Variants in IREB2 observed in about 807,000 individuals in gnomAD.
IREB2 encodes iron responsive element binding protein 2.
Under a neutral mutation model 118.8 loss-of-function variants are expected in IREB2, and 39 were observed. The observed-to-expected ratio is 0.33, with a 90% CI of 0.25 to 0.43. The LOEUF is 0.43. Ranked by LOEUF, IREB2 falls within the 20% of genes least tolerant of loss-of-function variation. The pLI, the probability that IREB2 is intolerant of heterozygous loss-of-function variation, is 1.00. For missense variants in IREB2, 900 were observed against 1,147.3 expected (o/e 0.78, Z 3.11); for synonymous variants, 372 against 392.2 (o/e 0.95, Z 0.61).
Position 78,487,723 on chromosome 15 carries a change from TGAAATGCAGA to T in IREB2, c.1710-9_1710del. 1 of 1,530,528 alleles carries T rather than the reference TGAAATGCAGA, an allele frequency of 6.5e-7. No individual in the cohort carries two copies. The highest frequency in any genetic ancestry group is 9.0e-7 in the Non-Finnish European group (1 of 1,105,924). The allele number at this position is 1,530,528 out of a possible 1,614,324, so 94.8% of individuals were successfully genotyped here. ...ATGTGCTATTCAGTCACTTTTTTTT[TGAAATGCAGA>T]TTTGAAATCGTTGGCTATGGATGTT... On this transcript the variant is annotated splice_acceptor_variant and splice_polypyrimidine_tract_variant and coding_sequence_variant and intron_variant, in exon 14 of 22. Coordinates refer to ENST00000258886, the MANE Select transcript of IREB2 (RefSeq NM_004136.4). LOFTEE classifies it high-confidence loss of function.
At chr15:78,489,754 G>A (rs2051718522) in intron 16 of IREB2, among the ~76,000 whole-genome samples, 1 of 152,110 alleles carries the variant, frequency 6.6e-6, no homozygotes, top group South Asian at 2.1e-4. Flanking sequence ...CAAGTGATCC[G>A]CCCACCTCAG....
intron 2 of IREB2, among the ~76,000 whole-genome samples, chr15:78,451,344 A>G (rs987634151): frequency 2.0e-5 from 3 of 151,666 alleles, no homozygotes; most frequent in Admixed American, 6.6e-5. Flanking sequence ...CAAGTGAAAA[A>G]CTGTTCTTTA....
At chr15:78,447,744 C>G (rs1454361856) in intron 2 of IREB2, among the ~76,000 whole-genome samples, 1 of 152,190 alleles carries the variant, frequency 6.6e-6, no homozygotes, top group East Asian at 1.9e-4. Flanking sequence ...GCCACCATGC[C>G]CGGCCCATTA....
At position 78,487,833 on chromosome 15, in the gene IREB2, T is replaced by C. The variant is rs775419292; in HGVS notation, c.1794+16T>C. 1 of 1,411,140 alleles carries C rather than the reference T, an allele frequency of 7.1e-7. No individual in the cohort carries two copies. The highest frequency in any genetic ancestry group is 1.0e-6 in the Non-Finnish European group (1 of 998,674). 87.4% of individuals were successfully genotyped at this position (1,411,140 alleles called of 1,614,324 possible). A position where few individuals can be genotyped will look rare whatever the true frequency, so the allele number is the denominator to read the frequency against. On this transcript the variant is annotated intron_variant, in intron 14 of 21. Coordinates refer to ENST00000258886, the MANE Select transcript of IREB2 (RefSeq NM_004136.4). ...AGTAAAACAGGTAAAATGTGTGGAT[T>C]GGCAAGACATCTAAATGATTTTCTT...
At chr15:78,440,088 A>T (rs988773906) in intron 2 of IREB2, among the ~76,000 whole-genome samples, 2 of 152,250 alleles carry the variant, frequency 1.3e-5, no homozygotes, top group African/African-American at 4.8e-5. Flanking sequence ...TCATTTAAAA[A>T]TCTAAGTTAA....
Position 78,487,796 on chromosome 15 carries a change from A to C in IREB2, c.1773A>C (p.Ala591=). The C allele has an allele frequency of 6.2e-7, 1 of 1,602,298 alleles. No individual in the cohort carries two copies. Among genetic ancestry groups the C allele is most frequent in the South Asian group, 1.1e-5 (1 of 90,694 alleles). The stretch of plus-strand genomic sequence containing the variant: ...GAAATACAGCACCCTTATCAGACGC[A>C]GTTTTAAATGCAGTAAAACAGGTAA... ...CVGNTAPLSD[A]VLNAVKQGDL... The change falls in exon 14 of 22, where the codon GCA becomes GCC. Residue 591 remains alanine (A), a synonymous_variant. Transcript: ENST00000258886.
Position 78,464,242 on chromosome 15 carries a change from T to C in IREB2, c.273-1009T>C, listed in dbSNP as rs183870784. On this transcript the variant is annotated intron_variant, in intron 3 of 21. Coordinates refer to ENST00000258886, the MANE Select transcript of IREB2 (RefSeq NM_004136.4). ...GTCGTATTATCCCTCCATATACCAG[T>C]TGGCTTCCATCACACTTAAAATCCA... Among the ~76,000 whole-genome samples the C allele has an allele frequency of 2.0e-5, 3 of 152,332 alleles. No individual in the cohort carries two copies. In the East Asian group the frequency reaches 5.8e-4, roughly 29 times the overall value.
chr15:78,442,966 C>G (rs983828743), intron 2 of IREB2, among the ~76,000 whole-genome samples: 11 of 152,110 alleles, frequency 7.2e-5, no homozygotes, highest in South Asian at 2.1e-4. Context: ...GTATCAGTGG[C>G]CACTCTTAGC....
At position 78,463,001 on chromosome 15, in the gene IREB2, T is replaced by C; in HGVS notation, c.186T>C (p.Asp62=). 6.2e-7 allele frequency: 1 copy of C among 1,613,760 alleles called. No homozygotes were observed. Among genetic ancestry groups the C allele is most frequent in the African/African-American group, 1.3e-5 (1 of 75,054 alleles). Residue 62 remains aspartate (D), a synonymous_variant, in exon 3 of 22, where the codon GAT becomes GAC. Transcript: ENST00000258886. Reference sequence around the variant, plus strand: ...ATGGCTTTTTAATGAAGAAGGAAGATGTTATGAACATTTTAGACTGGAAAA... The same window carrying C: ...ATGGCTTTTTAATGAAGAAGGAAGACGTTATGAACATTTTAGACTGGAAAA... ...NCDGFLMKKE[D]VMNILDWKTK...
At chr15:78,468,211 A>G (rs2051317275) in intron 5 of IREB2, among the ~76,000 whole-genome samples, 2 of 152,204 alleles carry the variant, frequency 1.3e-5, no homozygotes, top group South Asian at 4.1e-4. Flanking sequence ...TAAATAATTC[A>G]TGTAAAATAT....
intron 4 of IREB2, 61 bp from the exon 5 acceptor site, chr15:78,466,210 T>A: frequency 8.8e-7 from 1 of 1,140,614 alleles, no homozygotes; most frequent in South Asian, 1.4e-5. Flanking sequence ...CGTTTTTTTT[T>A]AAGAGCTAAA....
At position 78,485,757 on chromosome 15, in the gene IREB2, A is replaced by T. The variant is rs2051649071; in HGVS notation, c.1626A>T (p.Ile542=). The T allele has an allele frequency of 6.2e-7, 1 of 1,613,980 alleles. No homozygotes were observed. Among genetic ancestry groups the T allele is most frequent in the Non-Finnish European group, 8.5e-7 (1 of 1,179,864 alleles). Residue 542 remains isoleucine (I), a synonymous_variant, in exon 13 of 22, where the codon ATA becomes ATT. Coordinates refer to ENST00000258886, the MANE Select transcript of IREB2 (RefSeq NM_004136.4). ...VEAGLRVKPY[I]RTSLSPGSGM... The stretch of plus-strand genomic sequence containing the variant: ...CTGGTCTGCGTGTTAAACCTTATAT[A>T]AGAACAAGTTTATCTCCAGGCAGTG...
At position 78,438,305 on chromosome 15, in the gene IREB2, C is replaced by T. The variant is rs896259926; in HGVS notation, c.-33C>T. 15 of 1,572,196 alleles carry T rather than the reference C, an allele frequency of 9.5e-6. No individual in the cohort carries two copies. Among genetic ancestry groups the T allele is most frequent in the Non-Finnish European group, 1.1e-5 (13 of 1,157,082 alleles). ...GCCTCCCCCTTCTTCCCCCGCTGGC[C>T]CCCTCCCCGGAGGGATAATATGGTC... On this transcript the variant is annotated 5_prime_UTR_variant, in exon 1 of 22. Coordinates refer to ENST00000258886, the MANE Select transcript of IREB2 (RefSeq NM_004136.4).
intron 16 of IREB2, 138 bp from the exon 17 acceptor site, chr15:78,490,284 T>A: frequency 1.9e-6 from 1 of 537,040 alleles, no homozygotes; most frequent in Non-Finnish European, 3.3e-6. Context: ...TAATTTTCTT[T>A]CCAAATGGAT....
At position 78,443,192 on chromosome 15, in the gene IREB2, C is replaced by T. The variant is rs575839764; in HGVS notation, c.106+3311C>T. Among the ~76,000 whole-genome samples, 4 of 152,260 alleles carry T rather than the reference C, an allele frequency of 2.6e-5. No individual in the cohort carries two copies. The South Asian group carries it at 8.3e-4, about 32-fold the overall frequency. ...AATAATAACTAATAATAAAATAGAACAGTTATAACAATGTACTGTAATAAA... is the reference window on the plus strand; with the variant it reads ...AATAATAACTAATAATAAAATAGAATAGTTATAACAATGTACTGTAATAAA... On this transcript the variant is annotated intron_variant, in intron 2 of 21. Coordinates refer to ENST00000258886, the MANE Select transcript of IREB2 (RefSeq NM_004136.4).
intron 10 of IREB2, 146 bp from the exon 11 acceptor site, chr15:78,483,172 G>GT (rs1407725603): frequency 2.0e-6 from 1 of 502,464 alleles, no homozygotes; most frequent in East Asian, 3.1e-5. Flanking sequence ...ATTTCTTGGG[G>GT]TTGAGGGTGT....
At chr15:78,458,363 A>G (rs768731020) in intron 2 of IREB2, among the ~76,000 whole-genome samples, 11 of 152,160 alleles carry the variant, frequency 7.2e-5, no homozygotes, top group Non-Finnish European at 1.2e-4. Context: ...GAATGTTGAT[A>G]GTGTGGGAGG....
intron 2 of IREB2, among the ~76,000 whole-genome samples, chr15:78,444,740 A>G (rs1406914776): frequency 1.3e-5 from 2 of 152,188 alleles, no homozygotes; most frequent in African/African-American, 4.8e-5. Flanking sequence ...AATAAAGTAT[A>G]TGTTGTTTTG....
chr15:78,471,851 C>T lies in IREB2; in HGVS notation c.810C>T (p.Leu270=), dbSNP rs1322974076. ...GAGTGGTTTTTGAAGAAAAAGACCT[C>T]CTCTTCCCAGACAGTGTAGTCGGCA... The part of the protein sequence containing the change: ...LSRVVFEEKD[L]LFPDSVVGTD... The change falls in exon 7 of 22, where the codon CTC becomes CTT. Residue 270 remains leucine (L), a synonymous_variant. Coordinates refer to ENST00000258886, the MANE Select transcript of IREB2 (RefSeq NM_004136.4). 6.2e-7 allele frequency: 1 copy of T among 1,613,584 alleles called. No individual in the cohort carries two copies. The highest frequency in any genetic ancestry group is 8.5e-7 in the Non-Finnish European group (1 of 1,179,772).
Sources: allele counts gnomAD v4.1 joint callset (sites outside exome capture counted in the v4.1 genomes callset), GRCh38; gene constraint gnomAD v4.1.1; transcripts MANE v1.5; gene names NCBI Gene and HGNC (gene_info 2026-07-23, HGNC 2026-07-21).